The following NDUFAF7 variants were observed in gnomAD, a reference collection of about 807,000 sequenced individuals.
NDUFAF7 encodes NADH:ubiquinone oxidoreductase complex assembly factor 7, also known as protein arginine methyltransferase NDUFAF7, mitochondrial.
A neutral mutation model predicts 47.2 loss-of-function variants in NDUFAF7; 48 were observed. That is an observed-to-expected ratio of 1.02 (90% CI 0.81 to 1.29). The LOEUF is 1.29. Among genes scored for constraint, NDUFAF7 ranks in the 50% most tolerant of loss-of-function variants. The probability of loss-of-function intolerance (pLI) is 0.00; values close to 1 mark genes in which losing one functional copy is unlikely to be tolerated. For missense variants in NDUFAF7, 635 were observed against 537.6 expected (o/e 1.18, Z -1.79); for synonymous variants, 217 against 190.0 (o/e 1.14, Z -1.17).
At position 37,232,165 on chromosome 2, in the gene NDUFAF7, C is replaced by G. The variant is rs2714473; in HGVS notation, c.115C>G (p.Pro39Ala). 0.012 allele frequency: 19,649 copies of G among 1,614,094 alleles called. 2,072 individuals are homozygous for G. In the African/African-American group the frequency reaches 0.23, roughly 19 times the overall value. The change falls in exon 2 of 10, where the codon CCG (proline) becomes GCG (alanine). Residue 39 changes from proline (P) to alanine (A), a missense_variant. Transcript: ENST00000002125. Reference sequence around the variant, plus strand: ...CTCCGGGAATGAGCCTGCAGAAAACCCGGTGACGCCGATGCTGCGGCATCT... The same window carrying G: ...CTCCGGGAATGAGCCTGCAGAAAACGCGGTGACGCCGATGCTGCGGCATCT... The part of the protein sequence containing the change: ...FSSGNEPAEN[P>A]VTPMLRHLMY...
At chr2:37,270,870 TAAAC>T in the NDUFAF7 span, among the ~76,000 whole-genome samples, 4 of 152,248 alleles carry the variant, frequency 2.6e-5, no homozygotes, top group Non-Finnish European at 4.4e-5. Flanking sequence ...ATATATTTGT[TAAAC>T]AAAAGCCAAT....
the NDUFAF7 span, chr2:37,267,448 A>G: frequency 0.14 from 222,670 of 1,601,086 alleles, 17,059 homozygotes; most frequent in South Asian, 0.27. Context: ...TAGCCACTTC[A>G]TTACGGAGTT....
Position 37,238,526 on chromosome 2 carries a change from G to A in NDUFAF7, c.408+659G>A, listed in dbSNP as rs544058974. Among the ~76,000 whole-genome samples the A allele has an allele frequency of 4.6e-5, 7 of 151,742 alleles. No individual in the cohort carries two copies. The South Asian group carries it at 1.5e-3, about 32-fold the overall frequency. The stretch of plus-strand genomic sequence containing the variant: ...AGCACTTTGGGGGGCCAAGGTGGGA[G>A]GATTGCTTGAGGCCAAGAGTTCAAG... On this transcript the variant is annotated intron_variant, in intron 4 of 9. Transcript: ENST00000002125.
At chr2:37,237,685 A>G in intron 3 of NDUFAF7, 72 bp from the exon 4 acceptor site, 1 of 1,224,478 alleles carries the variant, frequency 8.2e-7, no homozygotes, top group South Asian at 1.3e-5. Context: ...TATTTATGTG[A>G]AATTTTATAT....
chr2:37,249,641 G>GACACACACACACACACAC (rs1452256080), downstream of NDUFAF7, among the ~76,000 whole-genome samples: 1 of 59,558 alleles, frequency 1.7e-5, no homozygotes, highest in East Asian at 1.7e-3. Context: ...GCCTGTGATA[G>GACACACACACACACACAC]AGACACACAC....
At chr2:37,267,167 C>CA in the NDUFAF7 span, among the ~76,000 whole-genome samples, 1 of 152,140 alleles carries the variant, frequency 6.6e-6, no homozygotes, top group African/African-American at 2.4e-5. Context: ...CAGCAACCTT[C>CA]TGACAAAATG....
the NDUFAF7 span, among the ~76,000 whole-genome samples, chr2:37,263,069 T>C: frequency 6.6e-6 from 1 of 152,190 alleles, no homozygotes; most frequent in Non-Finnish European, 1.5e-5. Context: ...CTGTTATTCC[T>C]TTCTGCTTTC....
chr2:37,265,500 C>G, the NDUFAF7 span, among the ~76,000 whole-genome samples: 3 of 152,136 alleles, frequency 2.0e-5, no homozygotes, highest in South Asian at 6.2e-4. Flanking sequence ...CACACACACA[C>G]ACACACAAAC....
Position 37,241,727 on chromosome 2 carries a change from GA to G in NDUFAF7, c.561del (p.Gly188ValfsTer61), listed in dbSNP as rs2148419193. ...GAAATGCTGGATCCCCAGTGTATAT[GA>G]AAGGTGTCACTAAGTCTGGGATTCC... ...ERNAGSPVYM[K>X]GVTKSGIPIS... is the part of the protein sequence containing the mutation. On this transcript the variant is annotated frameshift_variant, in exon 5 of 10. Coordinates refer to ENST00000002125, the MANE Select transcript of NDUFAF7 (RefSeq NM_144736.5). LOFTEE classifies it high-confidence loss of function. 6.2e-7 allele frequency: 1 copy of G among 1,614,038 alleles called. No individual in the cohort carries two copies. Among genetic ancestry groups the G allele is most frequent in the East Asian group, 2.2e-5 (1 of 44,844 alleles).
downstream of NDUFAF7, chr2:37,252,446 A>C (rs1474618769): frequency 6.6e-6 from 1 of 152,192 alleles, no homozygotes; most frequent in African/African-American, 2.4e-5. Flanking sequence ...TCCTTTTGTA[A>C]CATCATTTGT....
chr2:37,231,771 G>C lies in NDUFAF7; in HGVS notation c.55+11G>C. 1 of 1,614,200 alleles carries C rather than the reference G, an allele frequency of 6.2e-7. No individual in the cohort carries two copies. The highest frequency in any genetic ancestry group is 1.7e-4 in the Middle Eastern group (1 of 6,060). ...CCGTGGCGCGCGCAGGTAAGCGTCA[G>C]TCCCCTCGAAGCCCGGTTGCCGTGG... is the stretch of plus-strand genomic sequence containing the variant. On this transcript the variant is annotated intron_variant, in intron 1 of 9. Transcript: ENST00000002125.
downstream of NDUFAF7, among the ~76,000 whole-genome samples, chr2:37,253,798 TTACTCTGAA>T (rs1338868494): frequency 3.9e-5 from 6 of 152,192 alleles, no homozygotes; most frequent in Non-Finnish European, 7.4e-5. Flanking sequence ...GCTTCCCTCC[TTACTCTGAA>T]GTTTGGAGGG....
chr2:37,257,937 T>C (rs185311757), downstream of NDUFAF7, among the ~76,000 whole-genome samples: 41 of 152,266 alleles, frequency 2.7e-4, 1 homozygote, highest in Middle Eastern at 3.4e-3. Flanking sequence ...AAGGGAGCCA[T>C]AGTCACTACC....
intron 2 of NDUFAF7, among the ~76,000 whole-genome samples, chr2:37,235,063 G>T (rs1665611332): frequency 6.6e-6 from 1 of 152,178 alleles, no homozygotes; most frequent in Admixed American, 6.5e-5. Flanking sequence ...ACTATACTTT[G>T]TGGTGAAGAA....
chr2:37,250,900 C>G (rs919607835), downstream of NDUFAF7: 2 of 152,732 alleles, frequency 1.3e-5, no homozygotes, highest in South Asian at 2.1e-4. Flanking sequence ...TATACAGTAT[C>G]TGGAATAATC....
intron 8 of NDUFAF7, 130 bp from the exon 9 acceptor site, chr2:37,247,326 A>T: frequency 8.9e-7 from 1 of 1,121,836 alleles, no homozygotes; most frequent in Non-Finnish European, 1.3e-6. Flanking sequence ...TTCCCTGCCT[A>T]GAGAATTAAT....
At chr2:37,260,484 G>T in the NDUFAF7 span, 2 of 1,061,824 alleles carry the variant, frequency 1.9e-6, no homozygotes, top group Non-Finnish European at 2.8e-6. Context: ...CAGAAAGAAA[G>T]CCTAGAGAAG....
Position 37,248,480 on chromosome 2 carries a change from A to T in NDUFAF7, c.*130A>T. 1.1e-6 allele frequency: 1 copy of T among 903,246 alleles called. No homozygotes were observed. The highest frequency in any genetic ancestry group is 1.8e-6 in the Non-Finnish European group (1 of 562,356). The allele number at this position is 903,246 out of a possible 1,614,324, so 56.0% of individuals were successfully genotyped here. A position where few individuals can be genotyped will look rare whatever the true frequency, so the allele number is the denominator to read the frequency against. ...TCACAGCAAGAACAGTCCATGTTGT[A>T]TATAATACAACCAACATTATAGAAC... On this transcript the variant is annotated 3_prime_UTR_variant, in exon 10 of 10. Coordinates refer to ENST00000002125, the MANE Select transcript of NDUFAF7 (RefSeq NM_144736.5).
chr2:37,269,493 G>C, the NDUFAF7 span: 2 of 771,238 alleles, frequency 2.6e-6, no homozygotes, highest in East Asian at 5.2e-5. Flanking sequence ...AAGATAACAA[G>C]TCAGCCTTTA....
Sources: allele counts gnomAD v4.1 joint callset (sites outside exome capture counted in the v4.1 genomes callset), GRCh38; gene constraint gnomAD v4.1.1; transcripts MANE v1.5; gene names NCBI Gene and HGNC (gene_info 2026-07-23, HGNC 2026-07-21).